CYBRD1: variants seen among roughly 807,000 people sequenced by gnomAD.
CYBRD1 encodes the protein plasma membrane ascorbate-dependent reductase CYBRD1.
In CYBRD1, 14 loss-of-function variants were observed where a neutral mutation model predicts 21.9. The ratio of observed to expected loss-of-function variants is 0.64; its 90% confidence interval spans 0.42 to 1.00. CYBRD1 has a LOEUF of 1.00. Ranked by LOEUF, CYBRD1 falls within the 50% of genes least tolerant of loss-of-function variation. The probability of loss-of-function intolerance (pLI) is 0.00; values close to 1 mark genes in which losing one functional copy is unlikely to be tolerated. For synonymous variants in CYBRD1, 146 were observed against 136.5 expected (o/e 1.07, Z -0.48); for missense variants, 328 against 352.5 (o/e 0.93, Z 0.56).
chr2:171,530,077 A>T (rs1253588606), intron 1 of CYBRD1, among the ~76,000 whole-genome samples: 1 of 152,218 alleles, frequency 6.6e-6, no homozygotes, highest in Non-Finnish European at 1.5e-5. Context: ...ATGTGAAGAC[A>T]GGCAGAGATT....
chr2:171,543,246 T>C (rs1487448233), intron 2 of CYBRD1, among the ~76,000 whole-genome samples: 2 of 152,230 alleles, frequency 1.3e-5, no homozygotes, highest in South Asian at 2.1e-4. Context: ...AGGGCTCTGA[T>C]TGGGAGACTA....
Position 171,555,813 on chromosome 2 carries a change from C to G in CYBRD1, c.*986C>G, listed in dbSNP as rs1278592418. The G allele has an allele frequency of 2.0e-5, 3 of 152,280 alleles. No homozygotes were observed. Among genetic ancestry groups the G allele is most frequent in the Non-Finnish European group, 4.4e-5 (3 of 68,038 alleles). 9.4% of individuals were successfully genotyped at this position (152,280 alleles called of 1,614,324 possible). The stretch of plus-strand genomic sequence containing the variant: ...AGCCTGGGGAGGCTAGTAACTCACC[C>G]CAAGGTCACACGGCTCATACATGGT... On this transcript the variant is annotated 3_prime_UTR_variant, in exon 4 of 4. Transcript: ENST00000321348.
chr2:171,525,995 G>A (rs1056591667), intron 1 of CYBRD1, among the ~76,000 whole-genome samples: 3 of 150,998 alleles, frequency 2.0e-5, no homozygotes, highest in Admixed American at 6.6e-5. Context: ...GGCCGGGCAC[G>A]GTGGCTTACG....
chr2:171,537,865 AAAAAG>A lies in CYBRD1; in HGVS notation c.194-3713_194-3709del, dbSNP rs548461132. ...AGAGAGGATATTGAATGTTTTCAACAAAAAGAAAAGAGTTTGAGGTGATAAATATG... is the reference window on the plus strand; with the variant it reads ...AGAGAGGATATTGAATGTTTTCAACAAAAAGAGTTTGAGGTGATAAATATG... On this transcript the variant is annotated intron_variant, in intron 1 of 3. Coordinates refer to ENST00000321348, the MANE Select transcript of CYBRD1 (RefSeq NM_024843.4). Among the ~76,000 whole-genome samples the A allele has an allele frequency of 2.0e-5, 3 of 152,222 alleles. No homozygotes were observed. The South Asian group carries it at 6.2e-4, about 32-fold the overall frequency.
chr2:171,545,911 TAA>T (rs1319053859), intron 2 of CYBRD1, among the ~76,000 whole-genome samples: 1 of 152,172 alleles, frequency 6.6e-6, no homozygotes, highest in Non-Finnish European at 1.5e-5. Context: ...CACCCTACCT[TAA>T]GTTTTCTTCT....
intron 1 of CYBRD1, among the ~76,000 whole-genome samples, chr2:171,533,181 A>T (rs1303204960): frequency 6.6e-6 from 1 of 151,892 alleles, no homozygotes; most frequent in African/African-American, 2.4e-5. Flanking sequence ...AGCCTGGCCA[A>T]CATGGTGATA....
At position 171,557,071 on chromosome 2, in the gene CYBRD1, G is replaced by C. The variant is rs537405192; in HGVS notation, c.*2244G>C. 2 of 152,510 alleles carry C rather than the reference G, an allele frequency of 1.3e-5. No homozygotes were observed. Among genetic ancestry groups the C allele is most frequent in the South Asian group, 4.2e-4 (2 of 4,812 alleles). The allele number at this position is 152,510 out of a possible 1,614,324, so 9.4% of individuals were successfully genotyped here. A position where few individuals can be genotyped will look rare whatever the true frequency, so the allele number is the denominator to read the frequency against. ...AGCCCTTTATTTTATCTTTCATGTG[G>C]GCTAATGTGAGGATAATCTTACAGA... On this transcript the variant is annotated 3_prime_UTR_variant, in exon 4 of 4. Transcript: ENST00000321348.
chr2:171,538,749 G>A (rs972152465), intron 1 of CYBRD1, among the ~76,000 whole-genome samples: 3 of 152,122 alleles, frequency 2.0e-5, no homozygotes, highest in Non-Finnish European at 4.4e-5. Flanking sequence ...GTCTGAAAAA[G>A]GAATAGATAA....
chr2:171,536,632 AC>A (rs1697549787), intron 1 of CYBRD1, among the ~76,000 whole-genome samples: 1 of 152,098 alleles, frequency 6.6e-6, no homozygotes, highest in Non-Finnish European at 1.5e-5. Context: ...ACAGAGTTTC[AC>A]CATGTTGGCC....
chr2:171,535,451 A>C (rs1172034643), intron 1 of CYBRD1, among the ~76,000 whole-genome samples: 1 of 152,218 alleles, frequency 6.6e-6, no homozygotes, highest in African/African-American at 2.4e-5. Context: ...TGACACTCAG[A>C]GGGGGCAAAG....
intron 2 of CYBRD1, among the ~76,000 whole-genome samples, chr2:171,546,837 G>A (rs1049276096): frequency 6.6e-6 from 1 of 152,134 alleles, no homozygotes; most frequent in East Asian, 1.9e-4. Context: ...ATAGCATGTG[G>A]GGAAGAGTTT....
rs1329392520 is a variant in CYBRD1 at position 171,554,626 on chromosome 2, C to A, written c.660C>A (p.Thr220=). ...VFGALIFWIV[T]RPQWKRPKEP... The stretch of plus-strand genomic sequence containing the variant: ...GGGCCCTCATTTTTTGGATAGTCAC[C>A]AGACCGCAATGGAAACGTCCTAAGG... The change falls in exon 4 of 4, where the codon ACC becomes ACA. Residue 220 remains threonine, a synonymous_variant. Transcript: ENST00000321348. 1 of 1,613,978 alleles carries A rather than the reference C, an allele frequency of 6.2e-7. No homozygotes were observed. Among genetic ancestry groups the A allele is most frequent in the Admixed American group, 1.7e-5 (1 of 59,994 alleles).
chr2:171,522,281 C>A (rs1268734519), upstream of CYBRD1: 1 of 1,548,462 alleles, frequency 6.5e-7, no homozygotes, highest in East Asian at 2.4e-5. The surrounding 1 kb of genome is among the most constrained non-coding windows in gnomAD (Gnocchi z 4.3). Flanking sequence ...GGATGCTGGA[C>A]GAGGGAGAGG....
At chr2:171,541,456 A>G (rs1574439245) in intron 1 of CYBRD1, 129 bp from the exon 2 acceptor site, 1 of 839,550 alleles carries the variant, frequency 1.2e-6, no homozygotes. Context: ...TAACATGGGG[A>G]AGAGGGGAGA....
intron 1 of CYBRD1, among the ~76,000 whole-genome samples, chr2:171,524,960 C>T (rs1331240465): frequency 1.3e-5 from 2 of 152,120 alleles, no homozygotes; most frequent in African/African-American, 4.8e-5. Context: ...TCTTTCAAGA[C>T]GTAGTCTTGC....
In CYBRD1 at chr2:171,555,690, C is replaced by T. The variant is rs1300294396; in HGVS notation, c.*863C>T. ...CAGCACTTACTATGCTCCAAACACT[C>T]CTCTAAGCACTTTACACATATTAGC... On this transcript the variant is annotated 3_prime_UTR_variant, in exon 4 of 4. Transcript: ENST00000321348. 1 of 152,216 alleles carries T rather than the reference C, an allele frequency of 6.6e-6. No individual in the cohort carries two copies. Among genetic ancestry groups the T allele is most frequent in the African/African-American group, 2.4e-5 (1 of 41,448 alleles). The allele number at this position is 152,216 out of a possible 1,614,324, so 9.4% of individuals were successfully genotyped here. A position where few individuals can be genotyped will look rare whatever the true frequency, so the allele number is the denominator to read the frequency against.
chr2:171,553,481 G>A lies in CYBRD1; in HGVS notation c.538G>A (p.Glu180Lys). The A allele has an allele frequency of 6.2e-7, 1 of 1,611,714 alleles. No homozygotes were observed. Among genetic ancestry groups the A allele is most frequent in the Non-Finnish European group, 8.5e-7 (1 of 1,178,586 alleles). The change falls in exon 3 of 4, where the codon GAG becomes AAG. Residue 180 changes from glutamate to lysine, a missense_variant. Glu to Lys is a moderately conservative substitution (Grantham distance 56). Transcript: ENST00000321348. Reference sequence around the variant, plus strand: ...TGCAACAGCACTTATGGGATTGACAGAGAAACTGATTTTTTCCCTGTAAGT... The same window carrying A: ...TGCAACAGCACTTATGGGATTGACAAAGAAACTGATTTTTTCCCTGTAAGT... ...VIATALMGLT[E>K]KLIFSLRDPA...
chr2:171,522,429 G>C (rs1559310981), upstream of CYBRD1: 12 of 1,519,290 alleles, frequency 7.9e-6, no homozygotes, highest in Non-Finnish European at 8.8e-7. This position sits in a 1 kb window ranked among gnomAD's most constrained non-coding sequence, Gnocchi z 4.3. Context: ...CCTCCCCGCA[G>C]GCGGAGACAG....
At chr2:171,538,085 T>A in intron 1 of CYBRD1, among the ~76,000 whole-genome samples, 1 of 152,190 alleles carries the variant, frequency 6.6e-6, no homozygotes, top group Non-Finnish European at 1.5e-5. Context: ...AAGATCAGCC[T>A]GGTCAACATG....
Sources: allele counts gnomAD v4.1 joint callset (sites outside exome capture counted in the v4.1 genomes callset), GRCh38; gene constraint gnomAD v4.1.1; non-coding constraint Gnocchi (gnomAD v3.1); transcripts MANE v1.5; gene names NCBI Gene and HGNC (gene_info 2026-07-23, HGNC 2026-07-21).